The following NAALADL2 variants were observed in gnomAD, a reference collection of about 807,000 sequenced individuals.
NAALADL2 encodes the protein N-acetylated alpha-linked acidic dipeptidase like 2.
In NAALADL2, 76 loss-of-function variants were observed where a neutral mutation model predicts 87.2. That is an observed-to-expected ratio of 0.87 (90% CI 0.72 to 1.05). The LOEUF is 1.05. Among genes scored for constraint, NAALADL2 ranks in the 50% least tolerant of loss-of-function variants. The probability of loss-of-function intolerance (pLI) is 0.00; values close to 1 mark genes in which losing one functional copy is unlikely to be tolerated. For synonymous variants in NAALADL2, 354 were observed against 331.0 expected, an observed-to-expected ratio of 1.07 and a Z score of -0.75; for missense variants, 1,089 against 945.8, an observed-to-expected ratio of 1.15 and a Z score of -1.99.
intron 13 of NAALADL2, chr3:175,776,349 C>G (rs1336339778): frequency 6.6e-6 from 1 of 152,070 alleles, no homozygotes; most frequent in African/African-American, 2.4e-5. Context: ...CTCTCCTTCC[C>G]CCATCCAACA....
intron 10 of NAALADL2, among the ~76,000 whole-genome samples, chr3:175,595,129 G>A (rs1722073925): frequency 6.6e-6 from 1 of 151,986 alleles, no homozygotes; most frequent in Non-Finnish European, 1.5e-5. Flanking sequence ...TATAGCTTGA[G>A]GTCTTAAATT....
intron 13 of NAALADL2, among the ~76,000 whole-genome samples, chr3:175,780,328 G>A (rs1428575445): frequency 1.3e-5 from 2 of 151,580 alleles, no homozygotes; most frequent in African/African-American, 2.4e-5. Flanking sequence ...GTATGGGACT[G>A]ATTAAACACA....
intron 5 of NAALADL2, among the ~76,000 whole-genome samples, chr3:175,438,601 T>C (rs138605775): frequency 6.6e-6 from 1 of 152,230 alleles, no homozygotes; most frequent in Non-Finnish European, 1.5e-5. Context: ...TTTGGTTCTC[T>C]GGTAAGTCCA....
chr3:175,279,628 T>C (rs960675250), intron 4 of NAALADL2, among the ~76,000 whole-genome samples: 1 of 152,076 alleles, frequency 6.6e-6, no homozygotes, highest in Non-Finnish European at 1.5e-5. Context: ...CTGGGCTTTT[T>C]TTATGGCAGT....
intron 5 of NAALADL2, among the ~76,000 whole-genome samples, chr3:175,335,629 T>C (rs895578220): frequency 6.6e-5 from 10 of 152,202 alleles, no homozygotes; most frequent in African/African-American, 2.4e-4. Flanking sequence ...AAATAAATCT[T>C]GTAATGCCAC....
At chr3:175,073,603 G>GAATT (rs1716049722) in intron 1 of NAALADL2, among the ~76,000 whole-genome samples, 1 of 152,070 alleles carries the variant, frequency 6.6e-6, no homozygotes, top group African/African-American at 2.4e-5. Context: ...TTACTGGCAT[G>GAATT]AATTATATTT....
intron 2 of NAALADL2, among the ~76,000 whole-genome samples, chr3:175,211,143 G>T (rs538548138): frequency 6.6e-6 from 1 of 151,896 alleles, no homozygotes; most frequent in East Asian, 1.9e-4. Context: ...AAAGCTTTTG[G>T]GATGAGAGAA....
At position 174,500,785 on chromosome 3, in the gene NAALADL2, T is replaced by A. The variant is rs528881021; in HGVS notation, c.-183-49784T>A. Among the ~76,000 whole-genome samples the A allele has an allele frequency of 2.6e-5, 4 of 152,282 alleles. No individual in the cohort carries two copies. The East Asian group carries it at 7.7e-4, about 29-fold the overall frequency. ...ATTATATTGATTACTTTTTAAATGT[T>A]AAGCTAGCCTTGCGTCCCTGGGATA... On this transcript the variant is annotated intron_variant, in intron 1 of 3. Transcript: ENST00000434257.
intron 3 of NAALADL2, among the ~76,000 whole-genome samples, chr3:174,803,287 A>G (rs1719059325): frequency 6.6e-6 from 1 of 152,066 alleles, no homozygotes; most frequent in Non-Finnish European, 1.5e-5. Context: ...CTTTTGAGAA[A>G]TGTCTGTTCA....
At chr3:174,644,256 A>T (rs1723552371) in intron 2 of NAALADL2, among the ~76,000 whole-genome samples, 1 of 152,250 alleles carries the variant, frequency 6.6e-6, no homozygotes, top group African/African-American at 2.4e-5. Flanking sequence ...AGAAGCCTTA[A>T]CAATCATATA....
intron 11 of NAALADL2, among the ~76,000 whole-genome samples, chr3:175,701,400 A>G (rs1393646429): frequency 1.3e-5 from 2 of 152,104 alleles, no homozygotes; most frequent in African/African-American, 2.4e-5. Context: ...TTAGATTTCT[A>G]CTTTTATATG....
chr3:174,950,201 A>G (rs1740118617), intron 1 of NAALADL2, among the ~76,000 whole-genome samples: 1 of 152,092 alleles, frequency 6.6e-6, no homozygotes. Context: ...ATACTTGATG[A>G]AAGTGTAGAG....
chr3:175,587,270 C>A (rs1199590415), intron 10 of NAALADL2, among the ~76,000 whole-genome samples: 1 of 152,146 alleles, frequency 6.6e-6, no homozygotes, highest in Non-Finnish European at 1.5e-5. Context: ...CTCCCTACTC[C>A]CAGTGCTTTT....
chr3:175,438,583 T>C (rs35620629), intron 5 of NAALADL2, among the ~76,000 whole-genome samples: 6,545 of 152,118 alleles, frequency 0.043, 173 homozygotes, highest in East Asian at 0.086. Flanking sequence ...TTTTTTCAGC[T>C]CTGATTGTTT....
intron 1 of NAALADL2, among the ~76,000 whole-genome samples, chr3:174,978,352 G>C (rs768079420): frequency 6.6e-6 from 1 of 152,206 alleles, no homozygotes; most frequent in Non-Finnish European, 1.5e-5. Context: ...TGGTTGAAAG[G>C]CTTGAAGAAA....
chr3:175,555,729 T>C (rs577445544), intron 9 of NAALADL2, among the ~76,000 whole-genome samples: 1 of 152,192 alleles, frequency 6.6e-6, no homozygotes, highest in Non-Finnish European at 1.5e-5. Flanking sequence ...ATATCTCTGA[T>C]TATTTACTGG....
Position 175,569,229 on chromosome 3 carries a change from C to T in NAALADL2, c.1654-6812C>T, listed in dbSNP as rs4131323. On this transcript the variant is annotated intron_variant, in intron 9 of 13. Coordinates refer to ENST00000454872, the MANE Select transcript of NAALADL2 (RefSeq NM_207015.3). The stretch of plus-strand genomic sequence containing the variant: ...ATGTTCACACTGCCCAGGACCACAT[C>T]TATAAAGTTCTAAACTAAAAATGTT... 5.5e-3 allele frequency among the ~76,000 whole-genome samples: 839 copies of T among 152,234 alleles called. 6 individuals carry two copies. The highest frequency in any genetic ancestry group is 0.019 in the African/African-American group (794 of 41,534).
At chr3:175,621,560 C>T (rs1726236268) in intron 10 of NAALADL2, among the ~76,000 whole-genome samples, 1 of 152,126 alleles carries the variant, frequency 6.6e-6, no homozygotes, top group Non-Finnish European at 1.5e-5. Flanking sequence ...TGCGGAAATA[C>T]GGTTGGCCCT....
rs778837819 is a variant in NAALADL2, at chr3:174,557,447, CTG to C, written c.-115+6812_-115+6813del. Among the ~76,000 whole-genome samples, 75 of 151,990 alleles carry C rather than the reference CTG, an allele frequency of 4.9e-4. 1 individual carries two copies. Among genetic ancestry groups the C allele is most frequent in the Non-Finnish European group, 9.9e-4 (67 of 68,012 alleles). ...TGTGTTTTATTAATATCATAAATAT[CTG>C]TTAATATTTGAGGTATCTTTTTAAA... On this transcript the variant is annotated intron_variant, in intron 2 of 3. Coordinates refer to the NAALADL2 transcript ENST00000434257.
Sources: allele counts gnomAD v4.1 joint callset (sites outside exome capture counted in the v4.1 genomes callset), GRCh38; gene constraint gnomAD v4.1.1; transcripts MANE v1.5; gene names NCBI Gene and HGNC (gene_info 2026-07-23, HGNC 2026-07-21).